The following OLFM3 variants were observed in gnomAD, a reference collection of about 807,000 sequenced individuals.
OLFM3 encodes the protein olfactomedin 3.
A neutral mutation model predicts 48.6 loss-of-function variants in OLFM3; 20 were observed. The observed-to-expected ratio is 0.41, with a 90% CI of 0.29 to 0.60. The LOEUF (loss-of-function observed/expected upper bound fraction) is 0.60, where lower values mean the gene tolerates loss of function less well. Among genes scored for constraint, OLFM3 ranks in the 20% least tolerant of loss-of-function variants. The pLI, the probability that OLFM3 is intolerant of heterozygous loss-of-function variation, is 0.28. For synonymous variants in OLFM3, 222 were observed against 198.1 expected, an observed-to-expected ratio of 1.12 and a Z score of -1.01; for missense variants, 437 against 544.3, an observed-to-expected ratio of 0.80 and a Z score of 1.96.
At chr1:101,955,149 T>C (rs1167416119) in intron 1 of OLFM3, among the ~76,000 whole-genome samples, 5 of 151,982 alleles carry the variant, frequency 3.3e-5, no homozygotes, top group Admixed American at 3.3e-4. Context: ...TCTACTATGG[T>C]ACCTATATCG....
rs59915603 is a variant in OLFM3, at chr1:101,887,284, T to C, written c.70-50259A>G. Among the ~76,000 whole-genome samples the C allele has an allele frequency of 3.2e-3, 487 of 151,690 alleles. 4 individuals carry two copies. Among genetic ancestry groups the C allele is most frequent in the African/African-American group, 0.011 (464 of 41,396 alleles). On this transcript the variant is annotated intron_variant, in intron 1 of 5. Coordinates refer to ENST00000370103, the MANE Select transcript of OLFM3 (RefSeq NM_058170.4). ...AATAAACAGAATAAAAGAACAAATATTTGAAAGAAAATAATTGTATACCTA... is the reference window on the plus strand; with the variant it reads ...AATAAACAGAATAAAAGAACAAATACTTGAAAGAAAATAATTGTATACCTA...
At chr1:101,806,246 A>C in intron 4 of OLFM3, 64 bp from the exon 5 acceptor site, 1 of 1,203,234 alleles carries the variant, frequency 8.3e-7, no homozygotes, top group Non-Finnish European at 1.2e-6. Context: ...ACGCATACTC[A>C]CACTAAGAGC....
At chr1:101,900,232 C>G (rs1479964884) in intron 1 of OLFM3, among the ~76,000 whole-genome samples, 3 of 152,060 alleles carry the variant, frequency 2.0e-5, no homozygotes, top group African/African-American at 7.2e-5. Context: ...CCAGACAAGT[C>G]CATGAACACA....
At chr1:101,986,359 T>C (rs533654480) in intron 1 of OLFM3, among the ~76,000 whole-genome samples, 2 of 152,192 alleles carry the variant, frequency 1.3e-5, no homozygotes, top group East Asian at 3.9e-4. Context: ...ATCTTGTACA[T>C]GAGGAAATGG....
chr1:101,931,544 T>C (rs1278582315), intron 1 of OLFM3, among the ~76,000 whole-genome samples: 1 of 152,228 alleles, frequency 6.6e-6, no homozygotes, highest in Non-Finnish European at 1.5e-5. Flanking sequence ...GGTTCATGTA[T>C]TACTGCATGA....
At chr1:101,979,198 T>C (rs1431892345) in intron 1 of OLFM3, among the ~76,000 whole-genome samples, 1 of 152,182 alleles carries the variant, frequency 6.6e-6, no homozygotes, top group African/African-American at 2.4e-5. Context: ...GACTAAATAT[T>C]GTTAAAACTT....
At chr1:101,911,543 A>G (rs915419888) in intron 1 of OLFM3, among the ~76,000 whole-genome samples, 1 of 152,206 alleles carries the variant, frequency 6.6e-6, no homozygotes, top group Non-Finnish European at 1.5e-5. Context: ...AGTGAAATTA[A>G]CATACTCTGG....
At chr1:101,890,908 G>GA (rs1276828440) in intron 1 of OLFM3, among the ~76,000 whole-genome samples, 1 of 151,826 alleles carries the variant, frequency 6.6e-6, no homozygotes, top group Non-Finnish European at 1.5e-5. Context: ...AACACTGTTG[G>GA]AAAAAAATTT....
Position 101,896,006 on chromosome 1 carries a change from A to AT in OLFM3, c.70-58982_70-58981insA, listed in dbSNP as rs199582945. Among the ~76,000 whole-genome samples the AT allele has an allele frequency of 4.8e-5, 7 of 146,574 alleles. 1 individual carries two copies. Among genetic ancestry groups the AT allele is most frequent in the Admixed American group, 3.4e-4 (5 of 14,538 alleles). On this transcript the variant is annotated intron_variant, in intron 1 of 5. Transcript: ENST00000370103. ...AATAATAATAATAATAATAATAATA[A>AT]AAGTATGCATAGTATTTGCTTATAT...
intron 1 of OLFM3, among the ~76,000 whole-genome samples, chr1:101,935,315 A>AT (rs1451117965): frequency 1.3e-5 from 2 of 150,308 alleles, no homozygotes; most frequent in Non-Finnish European, 3.0e-5. Context: ...TAGAGAAATA[A>AT]AAAAAAAAAT....
intron 4 of OLFM3, chr1:101,812,658 C>G: frequency 1.0e-6 from 1 of 985,736 alleles, no homozygotes; most frequent in Non-Finnish European, 1.2e-6. Context: ...TGAATCTAAT[C>G]CAGCCTTGCA....
At chr1:101,991,780 G>C (rs1661420607) in intron 1 of OLFM3, among the ~76,000 whole-genome samples, 1 of 150,548 alleles carries the variant, frequency 6.6e-6, no homozygotes, top group Non-Finnish European at 1.5e-5. Flanking sequence ...ATTGAAGCCT[G>C]AGTATATGGA....
intron 1 of OLFM3, among the ~76,000 whole-genome samples, chr1:101,967,064 ATTAAAC>A (rs1199834328): frequency 2.6e-5 from 4 of 152,264 alleles, no homozygotes; most frequent in African/African-American, 9.6e-5. Context: ...TGCTATTTAT[ATTAAAC>A]TTCCTCCAGG....
intron 1 of OLFM3, chr1:101,894,039 A>G (rs141467894): frequency 5.4e-4 from 84 of 154,132 alleles, no homozygotes; most frequent in African/African-American, 1.9e-3. Context: ...TTCAGTGTCA[A>G]ACATCTTAAT....
chr1:101,992,215 A>C (rs116717210), intron 1 of OLFM3, among the ~76,000 whole-genome samples: 2,059 of 152,286 alleles, frequency 0.014, 41 homozygotes, highest in African/African-American at 0.046. Flanking sequence ...CACTTTGTAA[A>C]GAGAATAGTT....
Position 101,804,935 on chromosome 1 carries a change from T to C in OLFM3, c.700-20A>G. The stretch of plus-strand genomic sequence containing the variant: ...CCAGACCTGAGAAGAAGGAAAAAAA[T>C]AAATGGAGTGACTAAATTCTGTACT... On this transcript the variant is annotated intron_variant, in intron 5 of 5. Coordinates refer to ENST00000370103, the MANE Select transcript of OLFM3 (RefSeq NM_058170.4). This position sits in a 1 kb window ranked among gnomAD's most constrained non-coding sequence, Gnocchi z 4.5. The C allele has an allele frequency of 1.3e-6, 2 of 1,564,138 alleles. No homozygotes were observed. The highest frequency in any genetic ancestry group is 3.4e-4 in the Middle Eastern group (2 of 5,860).
chr1:101,817,555 A>T (rs1482997127), intron 4 of OLFM3, among the ~76,000 whole-genome samples: 3 of 152,108 alleles, frequency 2.0e-5, no homozygotes, highest in Non-Finnish European at 4.4e-5. Flanking sequence ...CAGCAGGAAG[A>T]TCAGTTGTTT....
intron 1 of OLFM3, among the ~76,000 whole-genome samples, chr1:101,864,121 A>C (rs1039545341): frequency 6.6e-6 from 1 of 152,158 alleles, no homozygotes; most frequent in Non-Finnish European, 1.5e-5. Flanking sequence ...TTCAGTTGTT[A>C]CTGAATTAGC....
intron 1 of OLFM3, among the ~76,000 whole-genome samples, chr1:101,911,191 C>T (rs771490653): frequency 1.3e-5 from 2 of 152,044 alleles, no homozygotes; most frequent in Non-Finnish European, 2.9e-5. Context: ...AGGGCAAAGG[C>T]ATAATCTTCC....
Sources: gnomAD v4.1 joint callset for allele counts (sites outside exome capture counted in the v4.1 genomes callset) on GRCh38, gnomAD v4.1.1 for gene constraint, Gnocchi (gnomAD v3.1) non-coding constraint, MANE v1.5 for transcripts, NCBI Gene and HGNC (gene_info 2026-07-23, HGNC 2026-07-21) for gene names.